SORBS2: variants seen among roughly 807,000 people sequenced by gnomAD.
The protein encoded by SORBS2 is sorbin and SH3 domain containing 2, also known as sorbin and SH3 domain-containing protein 2.
SORBS2 carries 46 observed loss-of-function variants against 97.7 expected under a neutral mutation model. The ratio of observed to expected loss-of-function variants is 0.47; its 90% CI spans 0.37 to 0.60. The LOEUF (loss-of-function observed/expected upper bound fraction) is 0.60. Among genes scored for constraint, SORBS2 ranks in the 20% least tolerant of loss-of-function variants. The pLI is 0.00. For synonymous variants in SORBS2, 476 were observed against 473.4 expected, an observed-to-expected ratio of 1.01 and a Z score of -0.07; for missense variants, 1,316 against 1,282.3, an observed-to-expected ratio of 1.03 and a Z score of -0.40.
At chr4:185,818,315 G>T (rs1355965272) in intron 1 of SORBS2, among the ~76,000 whole-genome samples, 1 of 151,920 alleles carries the variant, frequency 6.6e-6, no homozygotes, top group Non-Finnish European at 1.5e-5. Flanking sequence ...TCAGCCTCCC[G>T]AGTAGCTGGG....
intron 1 of SORBS2, among the ~76,000 whole-genome samples, chr4:185,879,369 A>C (rs1400778352): frequency 1.3e-5 from 2 of 151,984 alleles, no homozygotes; most frequent in East Asian, 3.9e-4. Context: ...TTATGGCTGC[A>C]TAGTATTCCA....
chr4:185,595,653 T>G lies in SORBS2; in HGVS notation c.2797-1718A>C, dbSNP rs186647644. Among the ~76,000 whole-genome samples the G allele has an allele frequency of 4.1e-3, 631 of 152,092 alleles. 6 individuals carry two copies. Among genetic ancestry groups the G allele is most frequent in the Middle Eastern group, 0.01 (3 of 294 alleles). On this transcript the variant is annotated intron_variant, in intron 12 of 14. Transcript: ENST00000418609. ...TCCAGTCTTTTTTTCTCAGTCTTCT[T>G]TCTTATTTCAAATGTCTGCAGAATA...
rs72709779 is a variant in SORBS2 at position 185,939,471 on chromosome 4, A to G, written c.-338+16725T>C. On this transcript the variant is annotated intron_variant, in intron 1 of 20. Coordinates refer to the SORBS2 transcript ENST00000284776. ...GCTCTATTTCTCCCTTCTCCTTCCC[A>G]GGAACAGTTCTCCAAAGAGGTATCT... Among the ~76,000 whole-genome samples, 717 of 151,812 alleles carry G rather than the reference A, an allele frequency of 4.7e-3. 3 individuals carry two copies. Among genetic ancestry groups the G allele is most frequent in the Non-Finnish European group, 7.4e-3 (502 of 67,954 alleles).
chr4:185,830,843 G>T (rs2099204706), intron 1 of SORBS2, among the ~76,000 whole-genome samples: 2 of 152,154 alleles, frequency 1.3e-5, no homozygotes, highest in Non-Finnish European at 2.9e-5. Flanking sequence ...TGTGAGGGTG[G>T]CTGGACATTT....
At chr4:185,828,418 A>T (rs1315310062) in intron 1 of SORBS2, among the ~76,000 whole-genome samples, 1 of 152,066 alleles carries the variant, frequency 6.6e-6, no homozygotes, top group African/African-American at 2.4e-5. Context: ...TGGACACCTT[A>T]GTTCTGAAAG....
At chr4:185,944,881 G>A (rs1045434853) in intron 1 of SORBS2, among the ~76,000 whole-genome samples, 4 of 146,660 alleles carry the variant, frequency 2.7e-5, no homozygotes, top group Non-Finnish European at 4.6e-5. Flanking sequence ...ACCAACAGCC[G>A]AAATATTTGG....
At position 185,620,563 on chromosome 4, in the gene SORBS2, T is replaced by C. The variant is rs578174122; in HGVS notation, c.2216-412A>G. Among the ~76,000 whole-genome samples the C allele has an allele frequency of 7.2e-5, 11 of 152,214 alleles. No individual in the cohort carries two copies. The East Asian group carries it at 1.9e-3, about 27-fold the overall frequency. ...TGGAGAATTTGAAAATAGCAACAAT[T>C]TGTAGAAAAAGAAACATTTTGTGGA... On this transcript the variant is annotated intron_variant, in intron 7 of 14. Coordinates refer to ENST00000418609, the Ensembl canonical transcript of SORBS2.
At chr4:185,759,029 A>G (rs956428307) in intron 2 of SORBS2, among the ~76,000 whole-genome samples, 1 of 152,206 alleles carries the variant, frequency 6.6e-6, no homozygotes. Flanking sequence ...CTGTGGGGGC[A>G]GGGATTTTTA....
At chr4:185,945,251 C>A (rs781534513) in intron 1 of SORBS2, among the ~76,000 whole-genome samples, 28 of 152,102 alleles carry the variant, frequency 1.8e-4, no homozygotes, top group Non-Finnish European at 2.8e-4. Context: ...ACAAGTTGAC[C>A]ATTTTGAGAA....
intron 1 of SORBS2, among the ~76,000 whole-genome samples, chr4:185,884,544 G>C (rs188068985): frequency 6.6e-6 from 1 of 152,132 alleles, no homozygotes; most frequent in Non-Finnish European, 1.5e-5. Flanking sequence ...AAAGAAATCC[G>C]GAATGGCAAT....
At chr4:185,836,782 T>G (rs2099208345) in intron 1 of SORBS2, among the ~76,000 whole-genome samples, 1 of 152,222 alleles carries the variant, frequency 6.6e-6, no homozygotes, top group South Asian at 2.1e-4. Context: ...AGAAAAATGT[T>G]CTTTTGAATT....
intron 2 of SORBS2, among the ~76,000 whole-genome samples, chr4:185,727,334 T>C (rs1008453315): frequency 1.1e-4 from 16 of 152,174 alleles, no homozygotes; most frequent in African/African-American, 1.7e-4. Context: ...GTGCAGTCAA[T>C]GGATTTTGTC....
chr4:185,694,409 A>G (rs2098141081), intron 2 of SORBS2, among the ~76,000 whole-genome samples: 8 of 152,218 alleles, frequency 5.3e-5, no homozygotes, highest in Admixed American at 5.2e-4. Context: ...CAGACAATCC[A>G]CGGAGCAAAG....
intron 1 of SORBS2, among the ~76,000 whole-genome samples, chr4:185,783,077 G>A (rs1431405354): frequency 6.6e-6 from 1 of 152,198 alleles, no homozygotes; most frequent in Non-Finnish European, 1.5e-5. Flanking sequence ...GACCACAGAA[G>A]TTAATTTAGC....
intron 2 of SORBS2, among the ~76,000 whole-genome samples, chr4:185,702,999 C>T (rs931405704): frequency 1.3e-5 from 2 of 152,082 alleles, no homozygotes; most frequent in African/African-American, 2.4e-5. Flanking sequence ...GTTAAAGACC[C>T]GTGCTTCTGA....
At chr4:185,868,155 C>CTTTTTTT (rs1431293135) in intron 1 of SORBS2, among the ~76,000 whole-genome samples, 63 of 100,706 alleles carry the variant, frequency 6.3e-4, no homozygotes, top group African/African-American at 1.7e-3. Flanking sequence ...TTCTTTTTTT[C>CTTTTTTT]TTTCTTTTTT....
chr4:185,928,114 A>G (rs1009458547), intron 1 of SORBS2, among the ~76,000 whole-genome samples: 34 of 152,174 alleles, frequency 2.2e-4, no homozygotes, highest in Non-Finnish European at 4.4e-4. Context: ...ATAGAAAAAA[A>G]AATATTTCTG....
intron 1 of SORBS2, among the ~76,000 whole-genome samples, chr4:185,791,431 G>A (rs570366744): frequency 1.3e-5 from 2 of 152,120 alleles, no homozygotes; most frequent in Non-Finnish European, 2.9e-5. Context: ...ATATAGCACA[G>A]TGCCTGCCCC....
chr4:185,865,523 C>A (rs189771930), intron 1 of SORBS2, among the ~76,000 whole-genome samples: 18 of 152,242 alleles, frequency 1.2e-4, no homozygotes, highest in South Asian at 2.1e-4. Context: ...AGAACAAAAC[C>A]TGAAAGACTT....
Sources: gnomAD v4.1 joint callset for allele counts (sites outside exome capture counted in the v4.1 genomes callset) on GRCh38, gnomAD v4.1.1 for gene constraint, MANE v1.5 for transcripts, NCBI Gene and HGNC (gene_info 2026-07-23, HGNC 2026-07-21) for gene names.